The following SLC25A48 variants were observed in gnomAD, a reference collection of about 807,000 sequenced individuals.
SLC25A48 encodes the protein solute carrier family 25 member 48.
SLC25A48 carries 29 observed loss-of-function variants against 32.2 expected under a neutral mutation model. That is an observed-to-expected ratio of 0.90 (90% CI 0.67 to 1.23). The LOEUF (loss-of-function observed/expected upper bound fraction) is 1.23, where lower values mean the gene tolerates loss of function less well. Ranked by LOEUF, SLC25A48 falls within the 50% of genes most tolerant of loss-of-function variation. SLC25A48 has a pLI of 0.00. For missense variants in SLC25A48, 399 were observed against 422.7 expected, an observed-to-expected ratio of 0.94 and a Z score of 0.49; for synonymous variants, 164 against 172.3, an observed-to-expected ratio of 0.95 and a Z score of 0.38.
At chr5:135,747,252 T>G (rs1425915311) in intron 3 of SLC25A48, among the ~76,000 whole-genome samples, 1 of 151,858 alleles carries the variant, frequency 6.6e-6, no homozygotes, top group African/African-American at 2.4e-5. Flanking sequence ...AGATACAGTT[T>G]CATATATGAT....
At chr5:135,839,701 C>G (rs939974370) in intron 1 of SLC25A48, among the ~76,000 whole-genome samples, 11 of 152,100 alleles carry the variant, frequency 7.2e-5, no homozygotes, top group Non-Finnish European at 1.0e-4. Flanking sequence ...CAAATCTCGT[C>G]TTGAATTATA....
At chr5:135,847,490 G>A (rs1281802885) in intron 2 of SLC25A48, among the ~76,000 whole-genome samples, 2 of 152,198 alleles carry the variant, frequency 1.3e-5, no homozygotes, top group African/African-American at 2.4e-5. Context: ...ACCTGTGAAT[G>A]TCATCTTATA....
chr5:135,771,845 C>T (rs1315042406), intron 3 of SLC25A48, among the ~76,000 whole-genome samples: 1 of 151,062 alleles, frequency 6.6e-6, no homozygotes, highest in African/African-American at 2.4e-5. Flanking sequence ...CTCAATATCT[C>T]AGGGGTTGTA....
At chr5:135,583,921 C>A (rs1296058463) in intron 1 of SLC25A48, among the ~76,000 whole-genome samples, 1 of 152,220 alleles carries the variant, frequency 6.6e-6, no homozygotes, top group Non-Finnish European at 1.5e-5. Flanking sequence ...TGCATGCTGA[C>A]CCCTTCCCTG....
intron 1 of SLC25A48, among the ~76,000 whole-genome samples, chr5:135,614,729 A>G (rs939331748): frequency 1.3e-5 from 2 of 152,226 alleles, no homozygotes; most frequent in African/African-American, 2.4e-5. Context: ...TCCCTGGGAT[A>G]AATCCCACTT....
chr5:135,774,964 G>A (rs1580865091), intron 3 of SLC25A48, among the ~76,000 whole-genome samples: 1 of 151,650 alleles, frequency 6.6e-6, no homozygotes, highest in Non-Finnish European at 1.5e-5. Flanking sequence ...TATCATAGAG[G>A]TTGTACACCC....
At chr5:135,755,603 G>A (rs766579442) in intron 3 of SLC25A48, among the ~76,000 whole-genome samples, 8 of 151,768 alleles carry the variant, frequency 5.3e-5, no homozygotes, top group Non-Finnish European at 1.0e-4. Context: ...CATATGTAGC[G>A]TCAACGCACT....
rs962504063 is a variant in SLC25A48 at position 135,864,588 on chromosome 5, C to G, written c.422-6873C>G. 3.9e-5 allele frequency among the ~76,000 whole-genome samples: 6 copies of G among 152,180 alleles called. No individual in the cohort carries two copies. The South Asian group carries it at 6.2e-4, about 16-fold the overall frequency. On this transcript the variant is annotated intron_variant, in intron 4 of 7. Transcript: ENST00000681962. ...GTGGGTTGCCAACAGCAAGTGAGAGCTGGAGCAATGGCAGCCCAGGAGTGA... is the reference window on the plus strand; with the variant it reads ...GTGGGTTGCCAACAGCAAGTGAGAGGTGGAGCAATGGCAGCCCAGGAGTGA...
chr5:135,641,043 T>C (rs1221454848), intron 3 of SLC25A48, among the ~76,000 whole-genome samples: 1 of 152,204 alleles, frequency 6.6e-6, no homozygotes, highest in African/African-American at 2.4e-5. Context: ...TGGAAAGAAA[T>C]AGAACTGTCT....
At chr5:135,770,608 T>C (rs924034820) in intron 3 of SLC25A48, among the ~76,000 whole-genome samples, 6 of 151,790 alleles carry the variant, frequency 4.0e-5, no homozygotes, top group Admixed American at 3.9e-4. Flanking sequence ...GTTCCTAATA[T>C]GCCAGTGGGA....
intron 1 of SLC25A48, among the ~76,000 whole-genome samples, chr5:135,603,571 G>A (rs4434374): frequency 0.19 from 28,173 of 152,042 alleles, 2,703 homozygotes; most frequent in East Asian, 0.3. Flanking sequence ...GTGGTGGGGG[G>A]GTGCGAGCCA....
At chr5:135,672,241 G>T (rs1212545223) in intron 3 of SLC25A48, among the ~76,000 whole-genome samples, 1 of 152,182 alleles carries the variant, frequency 6.6e-6, no homozygotes, top group East Asian at 1.9e-4. Flanking sequence ...GAATGTAAAG[G>T]GAGAGGGTTT....
intron 2 of SLC25A48, among the ~76,000 whole-genome samples, chr5:135,633,757 G>A (rs1271361882): frequency 6.6e-6 from 1 of 152,002 alleles, no homozygotes; most frequent in Non-Finnish European, 1.5e-5. Context: ...TAATTCTTCT[G>A]GATTTAGATT....
chr5:135,782,427 C>T (rs1171018306), intron 3 of SLC25A48, among the ~76,000 whole-genome samples: 4 of 117,330 alleles, frequency 3.4e-5, no homozygotes, highest in African/African-American at 1.0e-4. Flanking sequence ...CACATCGCTT[C>T]TGTGATATTG....
intron 3 of SLC25A48, among the ~76,000 whole-genome samples, chr5:135,679,191 C>A (rs1753836707): frequency 6.6e-6 from 1 of 152,122 alleles, no homozygotes; most frequent in African/African-American, 2.4e-5. Flanking sequence ...GCAGGTCAGT[C>A]CCCAGACTTG....
intron 3 of SLC25A48, among the ~76,000 whole-genome samples, chr5:135,666,382 G>T (rs1020937918): frequency 6.6e-6 from 1 of 152,268 alleles, no homozygotes; most frequent in East Asian, 1.9e-4. Flanking sequence ...AAAATACCCC[G>T]GGGATCTGCT....
chr5:135,883,698 C>T (rs922342564), intron 7 of SLC25A48, among the ~76,000 whole-genome samples: 2 of 152,170 alleles, frequency 1.3e-5, no homozygotes, highest in African/African-American at 4.8e-5. Context: ...TAGGGGTTCT[C>T]CCACCCTGAG....
chr5:135,679,061 G>T (rs778617261), intron 3 of SLC25A48, among the ~76,000 whole-genome samples: 3 of 152,188 alleles, frequency 2.0e-5, no homozygotes, highest in African/African-American at 7.2e-5. Context: ...GGCTGGGTAG[G>T]CAGGTGGGTC....
chr5:135,733,603 A>C (rs1465694713), intron 3 of SLC25A48, among the ~76,000 whole-genome samples: 1 of 152,234 alleles, frequency 6.6e-6, no homozygotes, highest in South Asian at 2.1e-4. Flanking sequence ...AGGCAGCGGC[A>C]GCCGCCACAT....
Sources: gnomAD v4.1 joint callset for allele counts (sites outside exome capture counted in the v4.1 genomes callset) on GRCh38, gnomAD v4.1.1 for gene constraint, MANE v1.5 for transcripts, NCBI Gene and HGNC (gene_info 2026-07-23, HGNC 2026-07-21) for gene names.